MBP: variants seen among roughly 807,000 people sequenced by gnomAD.
The protein encoded by MBP is myelin basic protein.
Under a neutral mutation model 35.8 loss-of-function variants are expected in MBP, and 16 were observed. That is an observed-to-expected ratio of 0.45 (90% confidence interval 0.30 to 0.68). MBP has a LOEUF of 0.68. MBP is among the 30% of genes least tolerant of loss of function. The pLI, the probability that MBP is intolerant of heterozygous loss-of-function variation, is 0.08. For synonymous variants in MBP, 143 were observed against 159.6 expected (o/e 0.90, Z 0.78); for missense variants, 380 against 404.7 (o/e 0.94, Z 0.52).
intron 2 of MBP, among the ~76,000 whole-genome samples, chr18:77,085,881 A>G (rs1334207920): frequency 6.6e-6 from 1 of 151,972 alleles, no homozygotes; most frequent in African/African-American, 2.4e-5. Context: ...ACGGGGTTTC[A>G]CCATGTTGGC....
intron 4 of MBP, among the ~76,000 whole-genome samples, chr18:77,008,351 G>A (rs1971118572): frequency 1.3e-5 from 2 of 152,154 alleles, no homozygotes; most frequent in South Asian, 4.1e-4. Flanking sequence ...CAGAGAAGAG[G>A]CCTCCCAGAA....
intron 3 of MBP, among the ~76,000 whole-genome samples, chr18:77,054,211 G>T (rs1349574645): frequency 6.6e-6 from 1 of 152,252 alleles, no homozygotes; most frequent in Non-Finnish European, 1.5e-5. Context: ...GATGTGAGTG[G>T]ACATCACCTT....
At chr18:77,069,130 A>C (rs58502912) in intron 2 of MBP, 85,329 of 451,834 alleles carry the variant, frequency 0.19, 8,507 homozygotes, top group South Asian at 0.25. Context: ...GAACAAGAAC[A>C]GTGCCTTACA....
chr18:77,106,168 C>G (rs1976269527), intron 1 of MBP, among the ~76,000 whole-genome samples: 1 of 152,196 alleles, frequency 6.6e-6, no homozygotes, highest in Admixed American at 6.5e-5. Context: ...AACCCAGGAA[C>G]AGCTTTCCTT....
At position 77,064,965 on chromosome 18, in the gene MBP, T is replaced by C. The variant is rs576972451; in HGVS notation, c.139+1333A>G. Among the ~76,000 whole-genome samples the C allele has an allele frequency of 1.7e-3, 255 of 152,320 alleles. 3 individuals carry two copies. Among genetic ancestry groups the C allele is most frequent in the African/African-American group, 5.5e-3 (228 of 41,586 alleles). ...AATCAAAGAGCTGTGCACAGCAGAA[T>C]AGAACTGCTTTGAGGACCTGCATAG... On this transcript the variant is annotated intron_variant, in intron 3 of 8. Transcript: ENST00000355994.
intron 2 of MBP, chr18:77,069,116 G>A (rs536352900): frequency 5.9e-5 from 27 of 455,554 alleles, no homozygotes; most frequent in African/African-American, 4.6e-4. Context: ...GGTGAATACT[G>A]TGAGAACAAG....
At chr18:77,023,971 T>C (rs1312072287) in intron 3 of MBP, among the ~76,000 whole-genome samples, 1 of 152,232 alleles carries the variant, frequency 6.6e-6, no homozygotes, top group African/African-American at 2.4e-5. Flanking sequence ...CCAACAAGCA[T>C]TGAACGTTTG....
intron 4 of MBP, among the ~76,000 whole-genome samples, chr18:76,991,727 C>T (rs1969934002): frequency 6.6e-6 from 1 of 152,186 alleles, no homozygotes; most frequent in South Asian, 2.1e-4. Flanking sequence ...GAGCTCTGGC[C>T]CCAGGCATGC....
At position 77,020,452 on chromosome 18, in the gene MBP, T is replaced by A. The variant is rs1267266006; in HGVS notation, c.140-3184A>T. On this transcript the variant is annotated intron_variant, in intron 3 of 8. Coordinates refer to ENST00000355994, the MANE Select transcript of MBP (RefSeq NM_001025101.2). This position sits in a 1 kb window ranked among gnomAD's most constrained non-coding sequence, Gnocchi z 4.1. ...GACCCCTCCAGTTTCCCTGACTTGC[T>A]AGGAGAGCTCCCGGGACTTAGGATA... Among the ~76,000 whole-genome samples, 2 of 152,176 alleles carry A rather than the reference T, an allele frequency of 1.3e-5. No individual in the cohort carries two copies. The highest frequency in any genetic ancestry group is 4.8e-5 in the African/African-American group (2 of 41,436).
At chr18:77,083,945 A>G (rs972283738) in intron 2 of MBP, among the ~76,000 whole-genome samples, 1 of 152,218 alleles carries the variant, frequency 6.6e-6, no homozygotes, top group Non-Finnish European at 1.5e-5. Context: ...CCAGTAAACA[A>G]GACTGCATTG....
At chr18:77,015,726 T>C (rs972078930) in intron 4 of MBP, 28 of 985,348 alleles carry the variant, frequency 2.8e-5, no homozygotes, top group Non-Finnish European at 3.4e-5. Context: ...AACAATTTCA[T>C]GATCAATAAA....
At chr18:76,987,689 CT>C in intron 7 of MBP, 1 of 989,814 alleles carries the variant, frequency 1.0e-6, no homozygotes, top group Non-Finnish European at 1.2e-6. Flanking sequence ...CAGACACAAC[CT>C]ATCTACAATA....
chr18:77,127,777 G>T (rs1204780543), intron 1 of MBP: 2 of 152,074 alleles, frequency 1.3e-5, no homozygotes, highest in African/African-American at 4.8e-5. Flanking sequence ...ACATAAAAAG[G>T]TCTTGATGTC....
intron 3 of MBP, among the ~76,000 whole-genome samples, chr18:77,019,054 AT>A (rs1224611509): frequency 6.6e-6 from 1 of 151,714 alleles, no homozygotes; most frequent in Admixed American, 6.6e-5. Context: ...CCATCCATCC[AT>A]CCATCCATCC....
chr18:77,070,706 G>T (rs1186735755), intron 2 of MBP, among the ~76,000 whole-genome samples: 2 of 152,160 alleles, frequency 1.3e-5, no homozygotes, highest in Admixed American at 6.5e-5. Flanking sequence ...ACGGGGCTCT[G>T]GGGCAGGTGA....
At chr18:77,029,598 G>T (rs1247930645) in intron 3 of MBP, among the ~76,000 whole-genome samples, 1 of 152,160 alleles carries the variant, frequency 6.6e-6, no homozygotes, top group East Asian at 1.9e-4. Context: ...TGACAGGCAT[G>T]AGACATTGTG....
At chr18:77,012,861 T>C in intron 4 of MBP, 1 of 985,212 alleles carries the variant, frequency 1.0e-6, no homozygotes, top group Non-Finnish European at 1.2e-6. Context: ...AAGCTCATAA[T>C]AAAATTAAAT....
At chr18:77,052,845 G>C (rs1973552282) in intron 3 of MBP, among the ~76,000 whole-genome samples, 1 of 152,064 alleles carries the variant, frequency 6.6e-6, no homozygotes, top group African/African-American at 2.4e-5. Context: ...CTCAGCAGGG[G>C]CCCCCTCACG....
At chr18:77,118,688 C>T (rs1255143883) in intron 1 of MBP, among the ~76,000 whole-genome samples, 1 of 148,188 alleles carries the variant, frequency 6.7e-6, no homozygotes, top group East Asian at 2.0e-4. Context: ...ACACACCACA[C>T]ACACACTCCA....
Sources: allele counts gnomAD v4.1 joint callset (sites outside exome capture counted in the v4.1 genomes callset), GRCh38; gene constraint gnomAD v4.1.1; non-coding constraint Gnocchi (gnomAD v3.1); transcripts MANE v1.5; gene names NCBI Gene and HGNC (gene_info 2026-07-23, HGNC 2026-07-21).